The following CNTNAP3 variants were observed in gnomAD, a reference collection of about 807,000 sequenced individuals.
CNTNAP3 encodes the protein contactin-associated protein-like 3.
A neutral mutation model predicts 92.1 loss-of-function variants in CNTNAP3; 36 were observed. The ratio of observed to expected loss-of-function variants is 0.39; its 90% CI spans 0.30 to 0.52. CNTNAP3 has a LOEUF of 0.52. CNTNAP3 is among the 20% of genes least tolerant of loss of function. The pLI is 0.76. For synonymous variants in CNTNAP3, 232 were observed against 422.3 expected (o/e 0.55, Z 5.53); for missense variants, 534 against 1,069.6 (o/e 0.50, Z 6.98).
rs1758272 is a variant in CNTNAP3 at position 39,133,130 on chromosome 9, C to T, written c.1882G>A (p.Ala628Thr). Residue 628 changes from alanine (A) to threonine (T), a missense_variant, in exon 13 of 24, where the codon GCC becomes ACC. By Grantham distance (58) the Ala-to-Thr change is moderately conservative. Coordinates refer to ENST00000297668, the MANE Select transcript of CNTNAP3 (RefSeq NM_033655.5). ...FLVYCNMTADAAWTVVQHGGP... is the reference protein window; with the variant it reads ...FLVYCNMTADTAWTVVQHGGP... ...CCGTGCTGCACCACCGTCCACGCGG[C>T]GTCTGCTGAGCAGAAACGGGCAAAG... The T allele has an allele frequency of 3.2e-6, 5 of 1,572,312 alleles. No individual in the cohort carries two copies. The highest frequency in any genetic ancestry group is 2.3e-5 in the East Asian group (1 of 43,718).
At chr9:39,083,552 A>G (rs999049871) in intron 21 of CNTNAP3, among the ~76,000 whole-genome samples, 2 of 151,806 alleles carry the variant, frequency 1.3e-5, no homozygotes, top group Non-Finnish European at 2.9e-5. Context: ...CCAGCTACTC[A>G]GGAAGCTGAG....
intron 15 of CNTNAP3, among the ~76,000 whole-genome samples, chr9:39,104,965 T>A (rs900898249): frequency 2.6e-5 from 4 of 152,186 alleles, no homozygotes; most frequent in African/African-American, 9.7e-5. Context: ...TTTTTGACAC[T>A]TTAAGGTTAC....
At chr9:39,174,651 C>A (rs117613739) in intron 7 of CNTNAP3, 5 of 689,274 alleles carry the variant, frequency 7.3e-6, no homozygotes, top group African/African-American at 1.8e-5. Flanking sequence ...CCTTTAACCC[C>A]AACTTGGATA....
intron 12 of CNTNAP3, among the ~76,000 whole-genome samples, chr9:39,139,364 G>A (rs962930960): frequency 2.6e-5 from 4 of 152,160 alleles, no homozygotes; most frequent in Non-Finnish European, 4.4e-5. Flanking sequence ...GGATTTTGGA[G>A]GTAATTGGTA....
chr9:39,085,436 G>C (rs2118414978), intron 21 of CNTNAP3: 1 of 406,988 alleles, frequency 2.5e-6, no homozygotes, highest in East Asian at 5.8e-5. Flanking sequence ...CTTCGTGTCA[G>C]CTTTGACAAC....
chr9:39,113,253 A>G (rs528028407), intron 14 of CNTNAP3, among the ~76,000 whole-genome samples: 80 of 152,254 alleles, frequency 5.3e-4, no homozygotes, highest in African/African-American at 1.9e-3. Flanking sequence ...ACTGAGTCAT[A>G]CTATCCACGA....
intron 9 of CNTNAP3, chr9:39,159,283 A>C (rs1248181124): frequency 6.7e-6 from 1 of 148,594 alleles, no homozygotes; most frequent in Non-Finnish European, 1.5e-5. Context: ...AATCCAAACA[A>C]AATAAAACAC....
At position 39,073,718 on chromosome 9, in the gene CNTNAP3, G is replaced by A. The variant is rs1825680097; in HGVS notation, c.*172C>T. ...ACCTCCCAGAGGCTCCGAGGCTGCA[G>A]GTCTTCAGCCAGGTGACAGCACTGC... On this transcript the variant is annotated 3_prime_UTR_variant, in exon 24 of 24. Transcript: ENST00000297668. 6.5e-7 allele frequency: 1 copy of A among 1,542,238 alleles called. No individual in the cohort carries two copies. Among genetic ancestry groups the A allele is most frequent in the Non-Finnish European group, 8.8e-7 (1 of 1,135,044 alleles).
chr9:39,120,493 A>C (rs181351435), intron 13 of CNTNAP3, among the ~76,000 whole-genome samples: 1 of 152,138 alleles, frequency 6.6e-6, no homozygotes, highest in Admixed American at 6.5e-5. Context: ...AACACGGTGA[A>C]ACCCCGTCTC....
chr9:39,146,870 CAT>C (rs764765662), intron 10 of CNTNAP3, among the ~76,000 whole-genome samples: 1 of 152,254 alleles, frequency 6.6e-6, no homozygotes, highest in African/African-American at 2.4e-5. Flanking sequence ...ATTTGAGTAA[CAT>C]ATGTTTCTAC....
rs1587688998 is a variant in CNTNAP3 at position 39,068,074 on chromosome 9, A to G, written c.*5816T>C. Among the ~76,000 whole-genome samples the G allele has an allele frequency of 1.3e-5, 2 of 152,416 alleles. No homozygotes were observed. Among genetic ancestry groups the G allele is most frequent in the East Asian group, 3.9e-4 (2 of 5,182 alleles). The stretch of plus-strand genomic sequence containing the variant: ...TTGTGTAAAGCCCAGATATACGTAT[A>G]GTACTAAAGAGATATGCAGTGCATG... On this transcript the variant is annotated 3_prime_UTR_variant, in exon 24 of 24. Coordinates refer to ENST00000297668, the MANE Select transcript of CNTNAP3 (RefSeq NM_033655.5).
chr9:39,094,373 A>G (rs1826281235), intron 18 of CNTNAP3, among the ~76,000 whole-genome samples: 1 of 151,580 alleles, frequency 6.6e-6, no homozygotes, highest in Admixed American at 6.6e-5. Flanking sequence ...ATAAAGTCCA[A>G]ATAATCTATT....
rs1825504119 is a variant in CNTNAP3, at chr9:39,066,088, T to C, written c.*7802A>G. On this transcript the variant is annotated 3_prime_UTR_variant, in exon 24 of 24. Coordinates refer to ENST00000297668, the MANE Select transcript of CNTNAP3 (RefSeq NM_033655.5). ...GCATTTAAAAATTTATTCTATTTCA[T>C]CGCTGCATTGTAATATTATTGTGTA... Among the ~76,000 whole-genome samples, 1 of 152,260 alleles carries C rather than the reference T, an allele frequency of 6.6e-6. No individual in the cohort carries two copies. Among genetic ancestry groups the C allele is most frequent in the African/African-American group, 2.4e-5 (1 of 41,476 alleles).
rs530385373 is a variant in CNTNAP3 at position 39,132,668 on chromosome 9, TATC to T, written c.2080+261_2080+263del. Among the ~76,000 whole-genome samples, 576 of 152,220 alleles carry T rather than the reference TATC, an allele frequency of 3.8e-3. 3 individuals carry two copies. The highest frequency in any genetic ancestry group is 0.013 in the African/African-American group (552 of 41,512). ...GTGAACGGAAAGCTAAGGCATAAGTTATCAGCAAAATTTCCCTTGATTAAGAAA... is the reference window on the plus strand; with the variant it reads ...GTGAACGGAAAGCTAAGGCATAAGTTAGCAAAATTTCCCTTGATTAAGAAA... On this transcript the variant is annotated intron_variant, in intron 13 of 23. Transcript: ENST00000297668.
In CNTNAP3 at chr9:39,067,598, C is replaced by T. The variant is rs1197021888; in HGVS notation, c.*6292G>A. Among the ~76,000 whole-genome samples the T allele has an allele frequency of 1.3e-4, 20 of 152,194 alleles. No homozygotes were observed. Among genetic ancestry groups the T allele is most frequent in the Non-Finnish European group, 1.9e-4 (13 of 67,962 alleles). On this transcript the variant is annotated 3_prime_UTR_variant, in exon 24 of 24. Transcript: ENST00000297668. ...TGTTTAGTAGAGACGGGGTTTCCAC[C>T]TTGTTAGCAGGATGGTCTCCATCTC...
intron 12 of CNTNAP3, among the ~76,000 whole-genome samples, chr9:39,133,968 G>A (rs1821365170): frequency 6.6e-6 from 1 of 152,158 alleles, no homozygotes; most frequent in Admixed American, 6.5e-5. Flanking sequence ...CCGAACTGGA[G>A]AAATGAAGAA....
At chr9:39,082,201 A>T (rs141176802) in intron 21 of CNTNAP3, among the ~76,000 whole-genome samples, 136 of 136,510 alleles carry the variant, frequency 1.0e-3, no homozygotes, top group Middle Eastern at 4.0e-3. Context: ...ATCTCAAGTG[A>T]GTCTGGGGAC....
intron 15 of CNTNAP3, among the ~76,000 whole-genome samples, chr9:39,108,644 T>A (rs1169647055): frequency 6.6e-6 from 1 of 152,192 alleles, no homozygotes. Context: ...CTAAGAACCC[T>A]GGGCTTATAG....
Position 39,103,453 on chromosome 9 carries a change from C to G in CNTNAP3, c.2536+291G>C, listed in dbSNP as rs2019863. ...AAAAATTAGCTGGGCACGGTGGTGCCTGCCTATAGTCCCAGCTACTCAGGA... is the reference window on the plus strand; with the variant it reads ...AAAAATTAGCTGGGCACGGTGGTGCGTGCCTATAGTCCCAGCTACTCAGGA... On this transcript the variant is annotated intron_variant, in intron 16 of 23. Coordinates refer to ENST00000297668, the MANE Select transcript of CNTNAP3 (RefSeq NM_033655.5). Among the ~76,000 whole-genome samples the G allele has an allele frequency of 2.4e-4, 36 of 151,968 alleles. No homozygotes were observed. The South Asian group carries it at 4.6e-3, about 19-fold the overall frequency.
Sources: allele counts gnomAD v4.1 joint callset (sites outside exome capture counted in the v4.1 genomes callset), GRCh38; gene constraint gnomAD v4.1.1; transcripts MANE v1.5; gene names NCBI Gene and HGNC (gene_info 2026-07-23, HGNC 2026-07-21).